CCDC18: variants seen among roughly 807,000 people sequenced by gnomAD.
The protein encoded by CCDC18 is coiled-coil domain-containing protein 18.
In CCDC18, 157 loss-of-function variants were observed where a neutral mutation model predicts 196.0. The observed-to-expected ratio is 0.80, with a 90% confidence interval of 0.70 to 0.91. The LOEUF (loss-of-function observed/expected upper bound fraction) is 0.91, where lower values mean the gene tolerates loss of function less well. Among genes scored for constraint, CCDC18 ranks in the 40% least tolerant of loss-of-function variants. CCDC18 has a pLI of 0.00. For missense variants in CCDC18, 1,465 were observed against 1,611.6 expected, an observed-to-expected ratio of 0.91 and a Z score of 1.56; for synonymous variants, 482 against 529.2, an observed-to-expected ratio of 0.91 and a Z score of 1.22.
intron 27 of CCDC18, 141 bp downstream of exon 27, chr1:93,265,042 T>C (rs905360068): frequency 6.7e-6 from 4 of 599,818 alleles, no homozygotes; most frequent in Non-Finnish European, 1.2e-5. Flanking sequence ...TTAGAAGATG[T>C]TGAATTTAGG....
At chr1:93,264,167 TCA>T (rs968676087) in intron 26 of CCDC18, among the ~76,000 whole-genome samples, 4 of 152,040 alleles carry the variant, frequency 2.6e-5, no homozygotes, top group African/African-American at 9.7e-5. Context: ...TCATGAGAAC[TCA>T]CTATCATGAG....
chr1:93,278,446 A>T lies in CCDC18; in HGVS notation c.4354-17A>T, dbSNP rs769739393. ...GGAATATTTCAAATATTAATCTATTATTTTGCATTATTCTAGGGAGAAAAT... is the reference window on the plus strand; with the variant it reads ...GGAATATTTCAAATATTAATCTATTTTTTTGCATTATTCTAGGGAGAAAAT... On this transcript the variant is annotated splice_polypyrimidine_tract_variant and intron_variant, in intron 28 of 28. Transcript: ENST00000690025. 9.4e-7 allele frequency: 1 copy of T among 1,069,018 alleles called. No individual in the cohort carries two copies. Among genetic ancestry groups the T allele is most frequent in the African/African-American group, 1.7e-5 (1 of 59,984 alleles). 66.2% of individuals were successfully genotyped at this position (1,069,018 alleles called of 1,614,324 possible). A position where few individuals can be genotyped will look rare whatever the true frequency, so the allele number is the denominator to read the frequency against.
rs1397716906 is a variant in CCDC18 at position 93,226,686 on chromosome 1, A to G, written c.2292+237A>G. Among the ~76,000 whole-genome samples the G allele has an allele frequency of 2.0e-5, 3 of 151,726 alleles. No homozygotes were observed. In the East Asian group the frequency reaches 5.8e-4, roughly 29 times the overall value. Reference sequence around the variant, plus strand: ...GTAGCTAGGATTACAGGTATGCACTACCATGCCTGGCTAATTTTTGTATTT... The same window carrying G: ...GTAGCTAGGATTACAGGTATGCACTGCCATGCCTGGCTAATTTTTGTATTT... On this transcript the variant is annotated intron_variant, in intron 17 of 28. Coordinates refer to ENST00000690025, the MANE Select transcript of CCDC18 (RefSeq NM_001378204.1).
At chr1:93,222,889 A>G (rs1657675367) in intron 16 of CCDC18, among the ~76,000 whole-genome samples, 1 of 152,222 alleles carries the variant, frequency 6.6e-6, no homozygotes, top group South Asian at 2.1e-4. Flanking sequence ...CTTGAATATA[A>G]AAGATTTGCT....
At chr1:93,248,524 T>C (rs897623554) in intron 23 of CCDC18, among the ~76,000 whole-genome samples, 2 of 152,218 alleles carry the variant, frequency 1.3e-5, no homozygotes, top group Admixed American at 1.3e-4. Context: ...CACTTGGTTA[T>C]GGTGAATGAT....
At chr1:93,259,165 T>C (rs1275007764) in intron 26 of CCDC18, among the ~76,000 whole-genome samples, 2 of 152,198 alleles carry the variant, frequency 1.3e-5, no homozygotes, top group Non-Finnish European at 2.9e-5. Flanking sequence ...GATATAATAA[T>C]AGTATCTACC....
chr1:93,239,776 C>T lies in CCDC18; in HGVS notation c.2861C>T (p.Ala954Val), dbSNP rs748449298. 3.7e-6 allele frequency: 6 copies of T among 1,613,134 alleles called. No individual in the cohort carries two copies. The highest frequency in any genetic ancestry group is 5.1e-6 in the Non-Finnish European group (6 of 1,179,388). ...GTACTTGAGACTGAACTACAAAATG[C>T]TCATGGAGAATTAAAAAGTACTTTA... ...REVLETELQN[A>V]HGELKSTLRQ... Residue 954 changes from alanine to valine, a missense_variant, in exon 21 of 29, where the codon GCT becomes GTT. Transcript: ENST00000690025.
intron 28 of CCDC18, among the ~76,000 whole-genome samples, chr1:93,277,592 C>T (rs1665688601): frequency 6.8e-6 from 1 of 146,480 alleles, no homozygotes; most frequent in South Asian, 2.1e-4. Flanking sequence ...TGACACAGCA[C>T]ACGTTTCAGA....
At chr1:93,242,573 T>G (rs937531554) in intron 21 of CCDC18, among the ~76,000 whole-genome samples, 16 of 152,152 alleles carry the variant, frequency 1.1e-4, no homozygotes, top group Non-Finnish European at 1.9e-4. Context: ...AATTATGCCT[T>G]CCCAACAGTC....
At chr1:93,180,979 G>A in intron 1 of CCDC18, 127 bp downstream of exon 1, 1 of 927,574 alleles carries the variant, frequency 1.1e-6, no homozygotes, top group Non-Finnish European at 1.5e-6. Context: ...ACTGGTCCTC[G>A]TGGTTGCTGA....
intron 7 of CCDC18, among the ~76,000 whole-genome samples, chr1:93,205,121 G>A (rs1314338224): frequency 2.3e-4 from 35 of 152,106 alleles, no homozygotes; most frequent in Admixed American, 1.7e-3. Flanking sequence ...TGTATCTTGG[G>A]TGCTTTTTTC....
At chr1:93,198,638 A>G (rs901989119) in intron 6 of CCDC18, among the ~76,000 whole-genome samples, 1 of 152,110 alleles carries the variant, frequency 6.6e-6, no homozygotes, top group Non-Finnish European at 1.5e-5. Context: ...TCTACAGAAG[A>G]TATGTATAGT....
In CCDC18 at chr1:93,264,808, A is replaced by C; in HGVS notation, c.3792A>C (p.Leu1264Phe). ...NEQLEKAKLE[L>F]EEAQDTVSNL... ...AGTTAGAGAAGGCAAAATTGGAATTAGAAGAAGCTCAGGATACTGTAAGCA... is the reference window on the plus strand; with the variant it reads ...AGTTAGAGAAGGCAAAATTGGAATTCGAAGAAGCTCAGGATACTGTAAGCA... Residue 1264 changes from leucine (L) to phenylalanine (F), a missense_variant, in exon 27 of 29, where the codon TTA becomes TTC. Transcript: ENST00000690025. 6.2e-7 allele frequency: 1 copy of C among 1,613,500 alleles called. No individual in the cohort carries two copies. Among genetic ancestry groups the C allele is most frequent in the Non-Finnish European group, 8.5e-7 (1 of 1,179,534 alleles).
intron 9 of CCDC18, among the ~76,000 whole-genome samples, chr1:93,208,795 CA>C (rs1170205925): frequency 6.6e-6 from 1 of 151,952 alleles, no homozygotes; most frequent in Admixed American, 6.6e-5. Flanking sequence ...TCCTCCCAAG[CA>C]GCTCAAACTA....
intron 27 of CCDC18, among the ~76,000 whole-genome samples, chr1:93,267,529 A>G (rs1445442630): frequency 6.6e-6 from 1 of 152,222 alleles, no homozygotes; most frequent in East Asian, 1.9e-4. Context: ...ACATGATTGT[A>G]TATTTAGAAA....
chr1:93,196,427 A>C (rs995808312), intron 6 of CCDC18, among the ~76,000 whole-genome samples: 2 of 152,240 alleles, frequency 1.3e-5, no homozygotes, highest in Admixed American at 1.3e-4. Flanking sequence ...CTTCAGTGCA[A>C]CAAGCATTAC....
intron 16 of CCDC18, among the ~76,000 whole-genome samples, chr1:93,225,708 T>C (rs372263171): frequency 6.7e-6 from 1 of 150,314 alleles, no homozygotes; most frequent in African/African-American, 2.5e-5. Context: ...ACCTGGGAGG[T>C]AGAGGTTGCA....
At chr1:93,252,899 T>C (rs1662455790) in intron 23 of CCDC18, among the ~76,000 whole-genome samples, 1 of 152,236 alleles carries the variant, frequency 6.6e-6, no homozygotes. Context: ...AAGGTTGACA[T>C]GGCTTTCTGG....
intron 14 of CCDC18, among the ~76,000 whole-genome samples, chr1:93,220,511 A>C (rs1394778978): frequency 6.6e-6 from 1 of 152,230 alleles, no homozygotes. Context: ...CAGTTGAAAG[A>C]AGAAATTATA....
Sources: gnomAD v4.1 joint callset for allele counts (sites outside exome capture counted in the v4.1 genomes callset) on GRCh38, gnomAD v4.1.1 for gene constraint, MANE v1.5 for transcripts, NCBI Gene and HGNC (gene_info 2026-07-23, HGNC 2026-07-21) for gene names.